FARP1: variants seen among roughly 807,000 people sequenced by gnomAD.
The protein encoded by FARP1 is FERM, ARH/RhoGEF and pleckstrin domain protein 1, also known as FERM, ARHGEF and pleckstrin domain-containing protein 1.
In FARP1, 52 loss-of-function variants were observed where a neutral mutation model predicts 128.8. That is an observed-to-expected ratio of 0.40 (90% CI 0.32 to 0.51). The LOEUF (loss-of-function observed/expected upper bound fraction) is 0.51. FARP1 is among the 20% of genes least tolerant of loss of function. The pLI is 0.45. For synonymous variants in FARP1, 580 were observed against 551.8 expected, an observed-to-expected ratio of 1.05 and a Z score of -0.72; for missense variants, 1,333 against 1,367.9, an observed-to-expected ratio of 0.97 and a Z score of 0.40.
At chr13:98,340,035 C>T (rs1340219261) in intron 2 of FARP1, among the ~76,000 whole-genome samples, 3 of 152,014 alleles carry the variant, frequency 2.0e-5, no homozygotes, top group South Asian at 2.1e-4. Flanking sequence ...TCTTCTAAAG[C>T]GCTCAGTTTA....
intron 11 of FARP1, 139 bp downstream of exon 11, chr13:98,391,019 T>C: frequency 1.5e-6 from 1 of 660,306 alleles, no homozygotes; most frequent in Non-Finnish European, 2.7e-6. Context: ...TCAGTCATCC[T>C]CAGCAAGTCC....
Position 98,385,803 on chromosome 13 carries a change from C to A in FARP1, c.748C>A (p.Leu250Ile). The change falls in exon 8 of 27, where the codon CTA (leucine) becomes ATA (isoleucine). Residue 250 changes from leucine (L) to isoleucine (I), a missense_variant. Physicochemically the swap from Leu to Ile is conservative, Grantham distance 5. Coordinates refer to ENST00000319562, the MANE Select transcript of FARP1 (RefSeq NM_005766.4). ...INLAVANTGI[L>I]VFQGFTKINA... The stretch of plus-strand genomic sequence containing the variant: ...TCTGGCCGTTGCCAACACGGGAATT[C>A]TAGTGTTTCAGGTGAGAGCCTTGAG... 1 of 1,614,132 alleles carries A rather than the reference C, an allele frequency of 6.2e-7. No individual in the cohort carries two copies. Among genetic ancestry groups the A allele is most frequent in the Non-Finnish European group, 8.5e-7 (1 of 1,180,028 alleles).
intron 5 of FARP1, among the ~76,000 whole-genome samples, 188 bp from the exon 6 acceptor site, chr13:98,377,633 C>A (rs1231845976): frequency 6.6e-6 from 1 of 152,184 alleles, no homozygotes; most frequent in Non-Finnish European, 1.5e-5. Context: ...AAGATGATAG[C>A]ATACATCTCT....
chr13:98,342,302 C>T (rs184033611), intron 2 of FARP1, among the ~76,000 whole-genome samples: 118 of 152,320 alleles, frequency 7.7e-4, no homozygotes, highest in Non-Finnish European at 1.0e-3. Context: ...ATATTTATAA[C>T]ACCTGTATTC....
At chr13:98,244,623 C>A in intron 2 of FARP1, 1 of 1,614,202 alleles carries the variant, frequency 6.2e-7, no homozygotes, top group Non-Finnish European at 8.5e-7. Context: ...TCTCACTCAT[C>A]TTACAGGCTC....
intron 2 of FARP1, among the ~76,000 whole-genome samples, chr13:98,224,952 G>T (rs1881672288): frequency 6.6e-6 from 1 of 152,170 alleles, no homozygotes; most frequent in Non-Finnish European, 1.5e-5. Flanking sequence ...TTCACCTACA[G>T]GACATGGCTT....
intron 2 of FARP1, among the ~76,000 whole-genome samples, chr13:98,319,599 A>G (rs1245058126): frequency 2.0e-5 from 3 of 152,212 alleles, no homozygotes; most frequent in Non-Finnish European, 2.9e-5. Context: ...CAGCCTGGGC[A>G]ACAGAGCAAG....
chr13:98,185,070 A>G (rs1878771747), intron 1 of FARP1, among the ~76,000 whole-genome samples: 1 of 152,212 alleles, frequency 6.6e-6, no homozygotes, highest in African/African-American at 2.4e-5. Flanking sequence ...TATTGTTACC[A>G]TCCAGATGCA....
intron 1 of FARP1, among the ~76,000 whole-genome samples, chr13:98,187,628 G>A (rs1199803369): frequency 6.6e-6 from 1 of 152,208 alleles, no homozygotes; most frequent in Non-Finnish European, 1.5e-5. Flanking sequence ...AACTTCGTAG[G>A]TGATGAGAGC....
intron 1 of FARP1, among the ~76,000 whole-genome samples, chr13:98,209,377 A>G (rs888935323): frequency 8.6e-5 from 13 of 151,826 alleles, no homozygotes; most frequent in Middle Eastern, 6.8e-3. Flanking sequence ...GCTGAGCCAC[A>G]GTGAGCCACG....
At chr13:98,390,195 A>ACAG in intron 10 of FARP1, 75 bp downstream of exon 10, 1 of 1,499,380 alleles carries the variant, frequency 6.7e-7, no homozygotes, top group Non-Finnish European at 9.1e-7. Flanking sequence ...GCTGTGACAC[A>ACAG]CAGCAGGTCA....
intron 1 of FARP1, among the ~76,000 whole-genome samples, chr13:98,158,846 C>T (rs1227695247): frequency 7.2e-5 from 11 of 152,070 alleles, no homozygotes; most frequent in Admixed American, 5.2e-4. Context: ...CTTCCGTCTG[C>T]GTCATGCTGT....
intron 2 of FARP1, among the ~76,000 whole-genome samples, chr13:98,248,279 A>AT (rs1883165519): frequency 6.6e-6 from 1 of 152,048 alleles, no homozygotes; most frequent in Non-Finnish European, 1.5e-5. Flanking sequence ...TTTCTACTGT[A>AT]TTTGGGTGGA....
chr13:98,296,688 CTTTTT>C (rs11420681), intron 2 of FARP1, among the ~76,000 whole-genome samples: 1 of 123,292 alleles, frequency 8.1e-6, no homozygotes, highest in Non-Finnish European at 1.6e-5. Context: ...ACTTAATGGC[CTTTTT>C]TTTTTTTTTT....
chr13:98,233,956 C>G (rs115511172), intron 2 of FARP1: 1 of 152,222 alleles, frequency 6.6e-6, no homozygotes, highest in African/African-American at 2.4e-5. Context: ...CATCCCACAT[C>G]TTTTCTTGAT....
chr13:98,281,708 C>T (rs1192360500), intron 2 of FARP1, among the ~76,000 whole-genome samples: 1 of 152,176 alleles, frequency 6.6e-6, no homozygotes, highest in Non-Finnish European at 1.5e-5. Context: ...GAGTCTTTGG[C>T]ATTTGACAAT....
intron 1 of FARP1, among the ~76,000 whole-genome samples, chr13:98,147,142 C>G (rs1875624887): frequency 6.6e-6 from 1 of 152,178 alleles, no homozygotes; most frequent in South Asian, 2.1e-4. Context: ...ATAGGATGCC[C>G]TTGCCCTGGT....
intron 2 of FARP1, among the ~76,000 whole-genome samples, chr13:98,218,760 C>T (rs1402141232): frequency 6.6e-6 from 1 of 152,182 alleles, no homozygotes; most frequent in East Asian, 1.9e-4. Context: ...GCACTCCATG[C>T]TGCACTCCAG....
chr13:98,165,206 C>T (rs1877156193), intron 1 of FARP1, among the ~76,000 whole-genome samples: 1 of 91,542 alleles, frequency 1.1e-5, no homozygotes, highest in African/African-American at 4.0e-5. Context: ...CAAAGCCAGA[C>T]TCTGTCTCAA....
Sources: allele counts gnomAD v4.1 joint callset (sites outside exome capture counted in the v4.1 genomes callset), GRCh38; gene constraint gnomAD v4.1.1; transcripts MANE v1.5; gene names NCBI Gene and HGNC (gene_info 2026-07-23, HGNC 2026-07-21).